The following LACTBL1 variants were observed in gnomAD, a reference collection of about 807,000 sequenced individuals.
LACTBL1 encodes the protein beta-lactamase-like protein 1.
LACTBL1 carries 29 observed loss-of-function variants against 39.6 expected under a neutral mutation model. The observed-to-expected ratio is 0.73, with a 90% CI of 0.55 to 1.00. The LOEUF is 1.00. Among genes scored for constraint, LACTBL1 ranks in the 50% least tolerant of loss-of-function variants. The pLI is 0.00. For missense variants in LACTBL1, 711 were observed against 748.5 expected (o/e 0.95, Z 0.59); for synonymous variants, 361 against 360.7 (o/e 1.00, Z -0.01).
At chr1:22,957,230 G>A (rs949318541) in intron 4 of LACTBL1, among the ~76,000 whole-genome samples, 2 of 152,090 alleles carry the variant, frequency 1.3e-5, no homozygotes, top group African/African-American at 4.8e-5. Flanking sequence ...TGATTGTACA[G>A]CTGTGTCATA....
At chr1:22,971,460 G>A in the LACTBL1 span, among the ~76,000 whole-genome samples, 3 of 152,000 alleles carry the variant, frequency 2.0e-5, no homozygotes, top group African/African-American at 7.3e-5. Flanking sequence ...GGAGGGCCCA[G>A]GAAGAACCAG....
chr1:22,971,368 C>G, the LACTBL1 span, among the ~76,000 whole-genome samples: 1 of 152,180 alleles, frequency 6.6e-6, no homozygotes, highest in Non-Finnish European at 1.5e-5. Flanking sequence ...AAGCTGCTTG[C>G]CAGCTGCTCA....
rs1394987380 is a variant in LACTBL1, at chr1:22,954,039, G to A, written c.660-15C>T. 2 of 1,511,830 alleles carry A rather than the reference G, an allele frequency of 1.3e-6. No individual in the cohort carries two copies. The highest frequency in any genetic ancestry group is 1.8e-6 in the Non-Finnish European group (2 of 1,124,402). The allele number at this position is 1,511,830 out of a possible 1,614,324, so 93.7% of individuals were successfully genotyped here. The stretch of plus-strand genomic sequence containing the variant: ...TGTAATGGCATCTGGAAGGAGAGCA[G>A]TGGCAAGTGGGACGGGGCCCTTCCT... On this transcript the variant is annotated splice_polypyrimidine_tract_variant and intron_variant, in intron 5 of 5. Coordinates refer to ENST00000426928, the Ensembl canonical transcript of LACTBL1.
At chr1:22,958,810 G>T in exon 4 of LACTBL1, 1 of 1,550,678 alleles carries the variant, frequency 6.4e-7, no homozygotes, top group South Asian at 1.2e-5. Context: ...GTTGTTAATG[G>T]TGAAGGTGCT....
exon 6 of LACTBL1, chr1:22,953,708 C>A: frequency 7.6e-7 from 1 of 1,322,692 alleles, no homozygotes; most frequent in Non-Finnish European, 9.6e-7. Context: ...AGCGTCTTGG[C>A]CGCGTCGGGC....
chr1:22,970,736 G>A, the LACTBL1 span, among the ~76,000 whole-genome samples: 1 of 149,854 alleles, frequency 6.7e-6, no homozygotes, highest in South Asian at 2.2e-4. Context: ...CTTGAGCCCA[G>A]GAATTAGAGG....
chr1:22,959,078 T>A (rs1640790561), intron 3 of LACTBL1, among the ~76,000 whole-genome samples, 158 bp from the exon 6 acceptor site: 1 of 152,240 alleles, frequency 6.6e-6, no homozygotes, highest in African/African-American at 2.4e-5. Flanking sequence ...TCTGTGGAGC[T>A]GCCTTTGGGA....
the LACTBL1 span, among the ~76,000 whole-genome samples, chr1:22,971,003 T>C: frequency 1.3e-5 from 2 of 152,182 alleles, no homozygotes; most frequent in Non-Finnish European, 2.9e-5. Context: ...ATATGGAAGA[T>C]ACTCCCCTCC....
exon 6 of LACTBL1, chr1:22,953,675 G>A (rs1640731960): frequency 1.6e-6 from 2 of 1,279,446 alleles, no homozygotes; most frequent in African/African-American, 3.1e-5. Flanking sequence ...TAGGCGCCCG[G>A]GCAGGCCAGC....
In LACTBL1 at chr1:22,959,038, G is replaced by C. The variant is rs928180480; in HGVS notation, c.318-118C>G. The C allele has an allele frequency of 2.2e-5, 14 of 650,244 alleles. No individual in the cohort carries two copies. The Admixed American group carries it at 3.8e-4, about 18-fold the overall frequency. The allele number at this position is 650,244 out of a possible 1,614,324, so 40.3% of individuals were successfully genotyped here. A position where few individuals can be genotyped will look rare whatever the true frequency, so the allele number is the denominator to read the frequency against. ...AGAAAAGCACTGCATCCCTGCTTAA[G>C]TCAACATCTCCAACAGAAATTAACC... On this transcript the variant is annotated intron_variant, in intron 3 of 5. Coordinates refer to ENST00000426928, the Ensembl canonical transcript of LACTBL1.
At chr1:22,962,699 C>T (rs764567976) in intron 2 of LACTBL1, among the ~76,000 whole-genome samples, 2 of 152,118 alleles carry the variant, frequency 1.3e-5, no homozygotes, top group Non-Finnish European at 2.9e-5. Flanking sequence ...CTGGAGCACA[C>T]CTCTCCATCC....
intron 1 of LACTBL1, among the ~76,000 whole-genome samples, chr1:22,964,404 G>A (rs954303353): frequency 3.9e-5 from 6 of 152,134 alleles, no homozygotes; most frequent in African/African-American, 1.4e-4. Context: ...CTGGGATAGC[G>A]GTCTTGAGAG....
intron 1 of LACTBL1, among the ~76,000 whole-genome samples, chr1:22,964,089 A>G (rs1399205171): frequency 2.0e-5 from 3 of 151,938 alleles, no homozygotes; most frequent in Non-Finnish European, 2.9e-5. Context: ...GGCGTCCACC[A>G]CCACGCCCGG....
chr1:22,966,726 C>G (rs111774640), upstream of LACTBL1, among the ~76,000 whole-genome samples: 38 of 152,320 alleles, frequency 2.5e-4, 1 homozygote, highest in African/African-American at 9.1e-4. Flanking sequence ...ACCTGGAAGT[C>G]CTCAAGCACC....
chr1:22,955,393 A>G (rs1260152872), exon 5 of LACTBL1: 4 of 1,550,248 alleles, frequency 2.6e-6, no homozygotes, highest in African/African-American at 1.4e-5. Flanking sequence ...GCCCTTCCAC[A>G]GCAGTGAAGT....
exon 6 of LACTBL1, chr1:22,953,117 C>T: frequency 8.1e-7 from 1 of 1,232,162 alleles, no homozygotes; most frequent in Non-Finnish European, 1.0e-6. Flanking sequence ...ACGTCGAAGC[C>T]GGGTGACAGC....
exon 6 of LACTBL1, chr1:22,953,348 C>G (rs1475639586): frequency 1.6e-6 from 2 of 1,228,998 alleles, no homozygotes; most frequent in East Asian, 3.2e-5. Flanking sequence ...CCCGCCGGCC[C>G]GGCGCGCACC....
chr1:22,955,504 A>T, intron 4 of LACTBL1, 78 bp from the exon 7 acceptor site: 1 of 868,850 alleles, frequency 1.2e-6, no homozygotes, highest in Non-Finnish European at 1.8e-6. Flanking sequence ...CTCCCTCCCC[A>T]CCTTCCGTGA....
chr1:22,953,561 GC>G lies in LACTBL1; in HGVS notation c.1122del (p.Leu375TrpfsTer64). On this transcript the variant is annotated frameshift_variant, in exon 6 of 6. Coordinates refer to ENST00000426928, the Ensembl canonical transcript of LACTBL1. LOFTEE classifies it high-confidence loss of function. ...AGGCCCAGACGCAGCGGGGGCACCA[GC>G]GAGAAGGTGGCGGCGTAGCCGTCCA... The G allele has an allele frequency of 1.6e-6, 2 of 1,250,336 alleles. No homozygotes were observed. Among genetic ancestry groups the G allele is most frequent in the Non-Finnish European group, 2.0e-6 (2 of 1,001,450 alleles). The allele number at this position is 1,250,336 out of a possible 1,614,324, so 77.5% of individuals were successfully genotyped here.
Sources: gnomAD v4.1 joint callset for allele counts (sites outside exome capture counted in the v4.1 genomes callset) on GRCh38, gnomAD v4.1.1 for gene constraint, MANE v1.5 for transcripts, NCBI Gene and HGNC (gene_info 2026-07-23, HGNC 2026-07-21) for gene names.